The following OR3A2 variants were observed in gnomAD, a reference collection of about 807,000 sequenced individuals.
The protein encoded by OR3A2 is olfactory receptor 3A2.
For synonymous variants in OR3A2, 126 were observed against 159.3 expected (o/e 0.79, Z 1.57); for missense variants, 318 against 392.8 (o/e 0.81, Z 1.61).
At chr17:3,285,073 G>T (rs1365343614), upstream of OR3A2, among the ~76,000 whole-genome samples, 1 of 152,076 alleles carries the variant, frequency 6.6e-6, no homozygotes, top group Non-Finnish European at 1.5e-5. Flanking sequence ...GGTGGGAGAT[G>T]AGCCCTATGA....
At position 3,379,079 on chromosome 17, in the gene OR3A2, C is replaced by G. The variant is rs570780998; in HGVS notation, c.-179+4725G>C. Among the ~76,000 whole-genome samples, 7 of 152,266 alleles carry G rather than the reference C, an allele frequency of 4.6e-5. No homozygotes were observed. The South Asian group carries it at 1.0e-3, about 23-fold the overall frequency. Reference sequence around the variant, plus strand: ...AACTTCTCTGACACTCCTCAGAGATCAACAAGGCTGGGACCCCATATGCTG... The same window carrying G: ...AACTTCTCTGACACTCCTCAGAGATGAACAAGGCTGGGACCCCATATGCTG... On this transcript the variant is annotated intron_variant, in intron 2 of 4. Coordinates refer to the OR3A2 transcript ENST00000573491.
At chr17:3,385,707 CGCT>C (rs2049771715) in intron 1 of OR3A2, among the ~76,000 whole-genome samples, 1 of 152,166 alleles carries the variant, frequency 6.6e-6, no homozygotes, top group Non-Finnish European at 1.5e-5. Flanking sequence ...TTACCCACTA[CGCT>C]AGAACACTCT....
chr17:3,371,086 C>G (rs1267176745), intron 2 of OR3A2, among the ~76,000 whole-genome samples: 1 of 151,842 alleles, frequency 6.6e-6, no homozygotes, highest in African/African-American at 2.4e-5. Context: ...TTCTATTCCA[C>G]AAAACCACCA....
At chr17:3,379,803 G>A (rs566194999) in intron 2 of OR3A2, among the ~76,000 whole-genome samples, 1 of 152,316 alleles carries the variant, frequency 6.6e-6, no homozygotes, top group South Asian at 2.1e-4. Flanking sequence ...AGAAGGGGCA[G>A]GGGAGTGACA....
chr17:3,299,657 T>G (rs1597326325), intron 3 of OR3A2, among the ~76,000 whole-genome samples: 1 of 152,280 alleles, frequency 6.6e-6, no homozygotes, highest in East Asian at 1.9e-4. Context: ...GCATTTCCTT[T>G]GCTGCAAAAC....
chr17:3,346,273 G>A (rs2049363264), intron 2 of OR3A2, among the ~76,000 whole-genome samples: 1 of 152,056 alleles, frequency 6.6e-6, no homozygotes, highest in Admixed American at 6.6e-5. Flanking sequence ...GTACATGGTA[G>A]GTGTACATAT....
At chr17:3,286,991 T>C (rs2048818770), upstream of OR3A2, among the ~76,000 whole-genome samples, 1 of 152,232 alleles carries the variant, frequency 6.6e-6, no homozygotes, top group African/African-American at 2.4e-5. Flanking sequence ...TCCATGCCCA[T>C]GCCTATGTCC....
intron 3 of OR3A2, chr17:3,310,153 C>T (rs1167509261): frequency 2.8e-6 from 1 of 354,818 alleles, no homozygotes; most frequent in Non-Finnish European, 5.6e-6. Context: ...AAATCTTCAA[C>T]TTCCTTCCCC....
At position 3,315,751 on chromosome 17, in the gene OR3A2, T is replaced by TAGG. The variant is rs371096011; in HGVS notation, c.-85+20281_-85+20282insCCT. ...TTTAAAGTGCTAACTGGTGAAAATA[T>TAGG]GGGGGGGGGGGCGGTAGTAAGATGA... is the stretch of plus-strand genomic sequence containing the variant. On this transcript the variant is annotated intron_variant, in intron 3 of 4. Transcript: ENST00000573491. 3.2e-4 allele frequency among the ~76,000 whole-genome samples: 41 copies of TAGG among 128,938 alleles called. 1 individual carries two copies. Among genetic ancestry groups the TAGG allele is most frequent in the African/African-American group, 9.7e-4 (35 of 36,212 alleles). 84.6% of individuals were successfully genotyped at this position (128,938 alleles called of 152,430 possible). A position where few individuals can be genotyped will look rare whatever the true frequency, so the allele number is the denominator to read the frequency against.
upstream of OR3A2, among the ~76,000 whole-genome samples, chr17:3,288,197 A>G (rs574587610): frequency 7.9e-5 from 12 of 151,042 alleles, no homozygotes; most frequent in East Asian, 2.1e-3. Context: ...TTAAAACAGA[A>G]AAGGTTTCTA....
intron 1 of OR3A2, among the ~76,000 whole-genome samples, chr17:3,385,456 T>C (rs1315187590): frequency 6.6e-6 from 1 of 152,088 alleles, no homozygotes; most frequent in African/African-American, 2.4e-5. Flanking sequence ...GGAGGATAGA[T>C]AGATAGATAG....
exon 2 of OR3A2, chr17:3,277,979 T>A: frequency 6.3e-7 from 1 of 1,597,306 alleles, no homozygotes; most frequent in Non-Finnish European, 8.6e-7. Flanking sequence ...CTCAGGTCAG[T>A]GATCTCCTCC....
chr17:3,331,391 T>A (rs894936862), intron 3 of OR3A2, among the ~76,000 whole-genome samples: 12 of 152,102 alleles, frequency 7.9e-5, no homozygotes, highest in Non-Finnish European at 1.3e-4. Context: ...TAGTCCCATA[T>A]TTCTTGGAGG....
chr17:3,345,790 C>T lies in OR3A2; in HGVS notation c.-178-9664G>A, dbSNP rs145268897. ...CAAAGAAAATGGGGATGAGGGAGCACCAGAGTAATATTTTTTAAAATTTTT... is the reference window on the plus strand; with the variant it reads ...CAAAGAAAATGGGGATGAGGGAGCATCAGAGTAATATTTTTTAAAATTTTT... On this transcript the variant is annotated intron_variant, in intron 2 of 4. Coordinates refer to the OR3A2 transcript ENST00000573491. Among the ~76,000 whole-genome samples the T allele has an allele frequency of 6.3e-3, 955 of 151,964 alleles. 9 individuals are homozygous for T. The highest frequency in any genetic ancestry group is 0.027 in the Middle Eastern group (8 of 294).
intron 2 of OR3A2, among the ~76,000 whole-genome samples, chr17:3,363,964 A>T (rs2049541417): frequency 6.6e-6 from 1 of 152,194 alleles, no homozygotes; most frequent in South Asian, 2.1e-4. Flanking sequence ...GCAAGGGGAA[A>T]ATCTGCTCCC....
chr17:3,376,633 T>A (rs953844554), intron 2 of OR3A2, among the ~76,000 whole-genome samples: 2 of 152,266 alleles, frequency 1.3e-5, no homozygotes, highest in African/African-American at 4.8e-5. Flanking sequence ...CTCACTCCCA[T>A]CATGACCCAC....
At chr17:3,318,995 A>T (rs1181956129) in intron 3 of OR3A2, among the ~76,000 whole-genome samples, 1 of 152,182 alleles carries the variant, frequency 6.6e-6, no homozygotes, top group Non-Finnish European at 1.5e-5. Context: ...AAATGTAAAC[A>T]AAACAACTCC....
chr17:3,293,913 A>G (rs1296167835), intron 3 of OR3A2, among the ~76,000 whole-genome samples: 2 of 152,184 alleles, frequency 1.3e-5, no homozygotes, highest in African/African-American at 4.8e-5. Flanking sequence ...CAATGAGAAT[A>G]CATGTACACA....
chr17:3,312,581 T>C (rs1207649655), intron 3 of OR3A2, among the ~76,000 whole-genome samples: 2 of 152,192 alleles, frequency 1.3e-5, no homozygotes, highest in African/African-American at 4.8e-5. Flanking sequence ...CATAAGAATG[T>C]ATCACTGTAT....
Sources: allele counts gnomAD v4.1 joint callset (sites outside exome capture counted in the v4.1 genomes callset), GRCh38; gene constraint gnomAD v4.1.1; transcripts MANE v1.5; gene names NCBI Gene and HGNC (gene_info 2026-07-23, HGNC 2026-07-21).